CREB5: variants seen among roughly 807,000 people sequenced by gnomAD.
The protein encoded by CREB5 is cAMP responsive element binding protein 5.
CREB5 carries 19 observed loss-of-function variants against 57.1 expected under a neutral mutation model. The observed-to-expected ratio is 0.33, with a 90% CI of 0.23 to 0.49. The LOEUF (loss-of-function observed/expected upper bound fraction) is 0.49, where lower values mean the gene tolerates loss of function less well. CREB5 is among the 20% of genes least tolerant of loss of function. CREB5 has a pLI of 0.99. For synonymous variants in CREB5, 238 were observed against 238.3 expected, an observed-to-expected ratio of 1.00 and a Z score of 0.01; for missense variants, 579 against 671.6, an observed-to-expected ratio of 0.86 and a Z score of 1.52.
intron 1 of CREB5, among the ~76,000 whole-genome samples, chr7:28,358,833 T>A (rs1345483766): frequency 3.3e-5 from 5 of 152,314 alleles, no homozygotes; most frequent in Non-Finnish European, 2.9e-5. Context: ...CATCCTGAGA[T>A]GAAGCCTGAA....
chr7:28,716,744 G>C (rs1379763584), intron 5 of CREB5, among the ~76,000 whole-genome samples: 1 of 152,196 alleles, frequency 6.6e-6, no homozygotes, highest in Non-Finnish European at 1.5e-5. Flanking sequence ...ATACCTATCT[G>C]ACTCAGTCTA....
intron 4 of CREB5, among the ~76,000 whole-genome samples, chr7:28,542,530 C>T (rs573352490): frequency 6.6e-6 from 1 of 152,232 alleles, no homozygotes; most frequent in South Asian, 2.1e-4. Flanking sequence ...TAACACTTAG[C>T]ACCTCAGACC....
intron 5 of CREB5, among the ~76,000 whole-genome samples, chr7:28,666,158 G>A (rs2128716380): frequency 6.6e-6 from 1 of 152,246 alleles, no homozygotes; most frequent in African/African-American, 2.4e-5. Context: ...GATGAAACTT[G>A]CATGTCATAC....
chr7:28,335,535 G>A (rs1487896989), intron 1 of CREB5, among the ~76,000 whole-genome samples: 1 of 151,626 alleles, frequency 6.6e-6, no homozygotes, highest in East Asian at 1.9e-4. Flanking sequence ...ACTAAGTTTT[G>A]TACATTGATT....
intron 3 of CREB5, among the ~76,000 whole-genome samples, chr7:28,507,072 A>G (rs945859574): frequency 1.9e-4 from 29 of 152,366 alleles, no homozygotes; most frequent in Non-Finnish European, 2.8e-4. Context: ...TCATCCTTCT[A>G]TGATTTTCAG....
At chr7:28,681,047 C>T (rs555984565) in intron 5 of CREB5, among the ~76,000 whole-genome samples, 2 of 152,310 alleles carry the variant, frequency 1.3e-5, no homozygotes, top group African/African-American at 2.4e-5. Flanking sequence ...GCTGCTCTGA[C>T]ATCCACCACA....
At chr7:28,648,344 T>G (rs1403288307) in intron 5 of CREB5, among the ~76,000 whole-genome samples, 1 of 152,128 alleles carries the variant, frequency 6.6e-6, no homozygotes. Flanking sequence ...AAAAAGAGTA[T>G]CCAACTCAAT....
intron 5 of CREB5, among the ~76,000 whole-genome samples, chr7:28,596,728 G>T (rs1796702730): frequency 6.6e-6 from 1 of 151,996 alleles, no homozygotes; most frequent in African/African-American, 2.4e-5. Flanking sequence ...CCTAAAATGT[G>T]GATAAGCAAC....
At chr7:28,594,014 G>T (rs932247103) in intron 5 of CREB5, among the ~76,000 whole-genome samples, 1 of 152,186 alleles carries the variant, frequency 6.6e-6, no homozygotes, top group Admixed American at 6.5e-5. Flanking sequence ...CCGGAGCAGC[G>T]GGAAGCTGCC....
chr7:28,403,131 C>T (rs1787508714), intron 1 of CREB5, among the ~76,000 whole-genome samples: 1 of 152,166 alleles, frequency 6.6e-6, no homozygotes, highest in Non-Finnish European at 1.5e-5. Flanking sequence ...TCAACTAGAA[C>T]ATCAGCTTGT....
chr7:28,362,349 TAGAAAA>T (rs1786504188), intron 1 of CREB5, among the ~76,000 whole-genome samples: 1 of 152,212 alleles, frequency 6.6e-6, no homozygotes, highest in South Asian at 2.1e-4. Context: ...GTATGACTGT[TAGAAAA>T]AGAAAAATCT....
intron 5 of CREB5, among the ~76,000 whole-genome samples, chr7:28,582,907 A>T (rs1028448794): frequency 9.2e-5 from 14 of 152,158 alleles, no homozygotes; most frequent in Non-Finnish European, 1.8e-4. Flanking sequence ...TGGTTTTTTT[A>T]AAATTAAATA....
chr7:28,610,999 T>C (rs1051082394), intron 5 of CREB5, among the ~76,000 whole-genome samples: 2 of 152,048 alleles, frequency 1.3e-5, no homozygotes, highest in Admixed American at 1.3e-4. Context: ...TCCCCAGCTT[T>C]TCCCTATTGG....
intron 1 of CREB5, among the ~76,000 whole-genome samples, chr7:28,400,942 TC>T (rs2127999657): frequency 6.6e-6 from 1 of 152,298 alleles, no homozygotes; most frequent in African/African-American, 2.4e-5. Context: ...AAATGAAACT[TC>T]CCTGTATATA....
intron 1 of CREB5, among the ~76,000 whole-genome samples, chr7:28,316,309 T>C (rs186781073): frequency 9.7e-4 from 148 of 152,168 alleles, no homozygotes; most frequent in Admixed American, 1.5e-3. Context: ...CAGACAAACA[T>C]TGGAGTCATT....
At chr7:28,354,160 G>T (rs1428437600) in intron 1 of CREB5, among the ~76,000 whole-genome samples, 4 of 152,126 alleles carry the variant, frequency 2.6e-5, no homozygotes, top group African/African-American at 7.2e-5. Context: ...TGGAAGGAAG[G>T]CGTGATGGTT....
intron 5 of CREB5, among the ~76,000 whole-genome samples, chr7:28,653,047 A>T (rs1799206107): frequency 1.3e-5 from 2 of 152,228 alleles, no homozygotes; most frequent in African/African-American, 4.8e-5. Context: ...GAATAAAATT[A>T]GGAAAGTGAG....
chr7:28,454,155 G>A (rs747596455), intron 1 of CREB5, among the ~76,000 whole-genome samples: 7 of 152,114 alleles, frequency 4.6e-5, no homozygotes, highest in African/African-American at 1.4e-4. Context: ...GGGCTTCATC[G>A]TGTTAGCCAG....
chr7:28,371,741 G>A (rs1786709693), intron 1 of CREB5, among the ~76,000 whole-genome samples: 1 of 152,140 alleles, frequency 6.6e-6, no homozygotes, highest in African/African-American at 2.4e-5. Flanking sequence ...CCCCTCTGCA[G>A]GTTGCTCACT....
Sources: gnomAD v4.1 joint callset for allele counts (sites outside exome capture counted in the v4.1 genomes callset) on GRCh38, gnomAD v4.1.1 for gene constraint, MANE v1.5 for transcripts, NCBI Gene and HGNC (gene_info 2026-07-23, HGNC 2026-07-21) for gene names.